Variants in GLG1 observed in about 807,000 individuals in gnomAD.
GLG1 encodes golgi glycoprotein 1, also known as Golgi apparatus protein 1.
Under a neutral mutation model 160.5 loss-of-function variants are expected in GLG1, and 38 were observed. The ratio of observed to expected loss-of-function variants is 0.24; its 90% CI spans 0.18 to 0.31. The LOEUF (loss-of-function observed/expected upper bound fraction) is 0.31, where lower values mean the gene tolerates loss of function less well. Among genes scored for constraint, GLG1 ranks in the 10% least tolerant of loss-of-function variants. The pLI is 1.00. For missense variants in GLG1, 1,373 were observed against 1,505.2 expected, an observed-to-expected ratio of 0.91 and a Z score of 1.45; for synonymous variants, 644 against 543.4, an observed-to-expected ratio of 1.19 and a Z score of -2.57.
intron 1 of GLG1, among the ~76,000 whole-genome samples, chr16:74,590,598 G>C (rs1958153767): frequency 6.8e-6 from 1 of 147,386 alleles, no homozygotes; most frequent in African/African-American, 2.5e-5. Flanking sequence ...TCCAGCCTGG[G>C]CAACTGAGTG....
intron 1 of GLG1, among the ~76,000 whole-genome samples, chr16:74,543,186 G>T (rs1253948218): frequency 6.6e-6 from 1 of 152,102 alleles, no homozygotes; most frequent in Non-Finnish European, 1.5e-5. Flanking sequence ...AGTACAGCTT[G>T]GATTCAGGAA....
chr16:74,453,248 C>T lies in GLG1; in HGVS notation c.3459G>A (p.Gly1153=). 6.2e-7 allele frequency: 1 copy of T among 1,613,426 alleles called. No homozygotes were observed. Among genetic ancestry groups the T allele is most frequent in the Non-Finnish European group, 8.5e-7 (1 of 1,179,394 alleles). The change falls in exon 26 of 26, where the codon GGG becomes GGA. Residue 1153 remains glycine (G), a synonymous_variant. Coordinates refer to ENST00000422840, the MANE Select transcript of GLG1 (RefSeq NM_001145667.2). ...SKNYILSVIS[G]SICILFLIGL... is the part of the protein sequence containing the mutation. ...CAATCAGGAACAATATACAGATGCT[C>T]CCACTGATCACAGAGAGAATGTAGT...
At chr16:74,606,605 C>T in intron 1 of GLG1, 52 bp downstream of exon 1, 2 of 1,471,890 alleles carry the variant, frequency 1.4e-6, no homozygotes, top group Non-Finnish European at 1.8e-6. Context: ...GCCGGCAACA[C>T]CCTCGGGCCC....
At chr16:74,586,289 T>G (rs1452276646) in intron 1 of GLG1, among the ~76,000 whole-genome samples, 1 of 152,080 alleles carries the variant, frequency 6.6e-6, no homozygotes, top group Non-Finnish European at 1.5e-5. Context: ...GTTCAACCAC[T>G]GATATTTTTG....
Position 74,456,396 on chromosome 16 carries a change from G to A in GLG1, c.3372+253C>T, listed in dbSNP as rs185899925. On this transcript the variant is annotated intron_variant, in intron 25 of 25. Transcript: ENST00000422840. Reference sequence around the variant, plus strand: ...AGGTTGGTCTCGATCTCCTGACCTCGTGATCTGCCTGCCTCGGCCTCCCAA... The same window carrying A: ...AGGTTGGTCTCGATCTCCTGACCTCATGATCTGCCTGCCTCGGCCTCCCAA... 9.7e-5 allele frequency: 41 copies of A among 423,106 alleles called. No individual in the cohort carries two copies. In the Admixed American group the frequency reaches 1.6e-3, roughly 16 times the overall value. 26.2% of individuals were successfully genotyped at this position (423,106 alleles called of 1,614,324 possible).
At chr16:74,534,756 C>T (rs1259356379) in intron 1 of GLG1, among the ~76,000 whole-genome samples, 3 of 152,084 alleles carry the variant, frequency 2.0e-5, no homozygotes, top group Admixed American at 6.6e-5. Context: ...CACCCGGCTC[C>T]GCTGACGTTG....
rs751301270 is a variant in GLG1, at chr16:74,606,958, A to C, written c.137T>G (p.Phe46Cys). ...TCCGGCCTGCCCTACGAAGGACACA[A>C]AGTTGGCCCCGGGACCCTGGCCCTG... ...HSQGQGPGAN[F>C]VSFVGQAGGG... The change falls in exon 1 of 26, where the codon TTT becomes TGT. Residue 46 changes from phenylalanine to cysteine, a missense_variant. Around this residue, in one of 4 missense-constraint regions of GLG1, gnomAD observed 322 missense variants for 254.6 expected, o/e 1.26. Coordinates refer to ENST00000422840, the MANE Select transcript of GLG1 (RefSeq NM_001145667.2). 6.2e-7 allele frequency: 1 copy of C among 1,608,728 alleles called. No individual in the cohort carries two copies. Among genetic ancestry groups the C allele is most frequent in the Non-Finnish European group, 8.5e-7 (1 of 1,178,996 alleles).
At chr16:74,596,918 A>C (rs1222296526) in intron 1 of GLG1, among the ~76,000 whole-genome samples, 3 of 152,120 alleles carry the variant, frequency 2.0e-5, no homozygotes, top group Non-Finnish European at 4.4e-5. Flanking sequence ...GGAGTTGGAG[A>C]CCAGCCTGGA....
chr16:74,589,371 G>A (rs1392781055), intron 1 of GLG1, among the ~76,000 whole-genome samples: 3 of 152,132 alleles, frequency 2.0e-5, no homozygotes, highest in South Asian at 2.1e-4. Flanking sequence ...AATGAAGGAA[G>A]AAAACAATGC....
At chr16:74,493,360 G>A (rs2016072558) in intron 6 of GLG1, among the ~76,000 whole-genome samples, 1 of 152,226 alleles carries the variant, frequency 6.6e-6, no homozygotes, top group Admixed American at 6.5e-5. Context: ...AAATTCTGTA[G>A]TCACTTGCTA....
At chr16:74,560,843 A>C (rs2018491873) in intron 1 of GLG1, among the ~76,000 whole-genome samples, 1 of 152,148 alleles carries the variant, frequency 6.6e-6, no homozygotes, top group Non-Finnish European at 1.5e-5. Context: ...GGAGGAAGGG[A>C]GGGAAAGAAG....
At chr16:74,560,754 G>C (rs1474557693) in intron 1 of GLG1, among the ~76,000 whole-genome samples, 1 of 152,008 alleles carries the variant, frequency 6.6e-6, no homozygotes, top group Non-Finnish European at 1.5e-5. Context: ...GCTGAGGCAG[G>C]AGGATCTCTG....
chr16:74,560,212 C>T (rs1452816791), intron 1 of GLG1, among the ~76,000 whole-genome samples: 1 of 152,058 alleles, frequency 6.6e-6, no homozygotes, highest in Non-Finnish European at 1.5e-5. Flanking sequence ...GGGTCCCATT[C>T]CATCAGTTGA....
intron 1 of GLG1, among the ~76,000 whole-genome samples, chr16:74,546,836 T>A (rs1389545293): frequency 0.025 from 18 of 720 alleles, no homozygotes; most frequent in South Asian, 0.33. Context: ...AGACTCCATC[T>A]CAAAAAAAAA....
At chr16:74,562,403 T>C (rs926771743) in intron 1 of GLG1, among the ~76,000 whole-genome samples, 1 of 152,222 alleles carries the variant, frequency 6.6e-6, no homozygotes, top group African/African-American at 2.4e-5. Context: ...TATGAATAAA[T>C]GCTGCAAGCC....
chr16:74,536,140 A>C (rs3096403), intron 1 of GLG1, among the ~76,000 whole-genome samples: 1 of 152,310 alleles, frequency 6.6e-6, no homozygotes, highest in South Asian at 2.1e-4. Flanking sequence ...AAACAGATGC[A>C]GGTGCTGATT....
At chr16:74,529,211 C>T (rs1456757134) in intron 2 of GLG1, among the ~76,000 whole-genome samples, 1 of 151,940 alleles carries the variant, frequency 6.6e-6, no homozygotes, top group African/African-American at 2.4e-5. Flanking sequence ...TCAAGTAATC[C>T]ACCTGTCTTG....
At chr16:74,503,855 T>C (rs2016503880) in intron 3 of GLG1, 109 bp from the exon 4 acceptor site, 2 of 724,774 alleles carry the variant, frequency 2.8e-6, no homozygotes, top group African/African-American at 3.6e-5. Flanking sequence ...CCTAATTCTT[T>C]ACTTGGAAGA....
At chr16:74,603,077 A>G (rs181632179) in intron 1 of GLG1, among the ~76,000 whole-genome samples, 3 of 151,216 alleles carry the variant, frequency 2.0e-5, no homozygotes, top group South Asian at 2.1e-4. Context: ...GCAACAGGGC[A>G]AGACTTCGTC....
Sources: gnomAD v4.1 joint callset for allele counts (sites outside exome capture counted in the v4.1 genomes callset) on GRCh38, gnomAD v4.1.1 for gene constraint, gnomAD v4.1.1 regional missense constraint, MANE v1.5 for transcripts, NCBI Gene and HGNC (gene_info 2026-07-23, HGNC 2026-07-21) for gene names.